The following DCLRE1C variants were observed in gnomAD, a reference collection of about 807,000 sequenced individuals.
The protein encoded by DCLRE1C is protein artemis.
Under a neutral mutation model 61.4 loss-of-function variants are expected in DCLRE1C, and 47 were observed. The observed-to-expected ratio is 0.77, with a 90% CI of 0.61 to 0.98. The LOEUF (loss-of-function observed/expected upper bound fraction) is 0.98. Among genes scored for constraint, DCLRE1C ranks in the 50% least tolerant of loss-of-function variants. The pLI, the probability that DCLRE1C is intolerant of heterozygous loss-of-function variation, is 0.00. For synonymous variants in DCLRE1C, 337 were observed against 287.6 expected (o/e 1.17, Z -1.74); for missense variants, 858 against 816.0 (o/e 1.05, Z -0.63).
chr10:14,949,642 A>G (rs1178266558), intron 1 of DCLRE1C, among the ~76,000 whole-genome samples: 2 of 152,270 alleles, frequency 1.3e-5, no homozygotes, highest in African/African-American at 4.8e-5. Context: ...GACAACAGAA[A>G]GGTAGCAATT....
At chr10:14,916,649 TAAA>T (rs1032783235) in intron 13 of DCLRE1C, among the ~76,000 whole-genome samples, 5 of 152,282 alleles carry the variant, frequency 3.3e-5, no homozygotes, top group African/African-American at 1.2e-4. Context: ...AATTGAAACT[TAAA>T]AAGTAATACC....
In DCLRE1C at chr10:14,908,344, A is replaced by G; in HGVS notation, c.*64T>C. On this transcript the variant is annotated 3_prime_UTR_variant, in exon 14 of 14. Coordinates refer to ENST00000378278, the MANE Select transcript of DCLRE1C (RefSeq NM_001033855.3). ...TAAGTACTGTATTTTCTCTATTGTA[A>G]TATTGACTGTCATCTCTGTGCAGGT... 1 of 1,263,072 alleles carries G rather than the reference A, an allele frequency of 7.9e-7. No homozygotes were observed. The highest frequency in any genetic ancestry group is 1.2e-6 in the Non-Finnish European group (1 of 868,324). The allele number at this position is 1,263,072 out of a possible 1,614,324, so 78.2% of individuals were successfully genotyped here.
chr10:14,932,739 T>C, intron 9 of DCLRE1C, 115 bp downstream of exon 9: 1 of 1,231,962 alleles, frequency 8.1e-7, no homozygotes, highest in Non-Finnish European at 1.2e-6. Flanking sequence ...CAACTTAGGA[T>C]TGCAGCCTCA....
chr10:14,908,797 C>A lies in DCLRE1C; in HGVS notation c.1690G>T (p.Glu564Ter). ...QSDTVLLSSQ[E>*]RNSGDITSLD... ...GAAGTAATATCCCCACTGTTTCTCT[C>A]TTGGGAAGATAACAAAACAGTATCA... The change falls in exon 14 of 14, where the codon GAG (glutamate) becomes TAG (stop). Residue 564 changes from glutamate to a stop codon, truncating the protein, a stop_gained. Coordinates refer to ENST00000378278, the MANE Select transcript of DCLRE1C (RefSeq NM_001033855.3). LOFTEE classifies it low-confidence loss of function (END_TRUNC). 6.2e-7 allele frequency: 1 copy of A among 1,614,178 alleles called. No individual in the cohort carries two copies. Among genetic ancestry groups the A allele is most frequent in the Non-Finnish European group, 8.5e-7 (1 of 1,180,012 alleles).
chr10:14,922,218 A>T (rs1837231282), intron 12 of DCLRE1C, among the ~76,000 whole-genome samples: 1 of 152,176 alleles, frequency 6.6e-6, no homozygotes, highest in South Asian at 2.1e-4. Flanking sequence ...AGACAGGTGG[A>T]TCACTTGAGC....
At chr10:14,926,637 G>C (rs1426104125) in intron 11 of DCLRE1C, among the ~76,000 whole-genome samples, 1 of 131,628 alleles carries the variant, frequency 7.6e-6, no homozygotes, top group South Asian at 2.5e-4. Flanking sequence ...CTGGGCGACA[G>C]AGTAAAACAC....
rs1254571893 is a variant in DCLRE1C at position 14,908,691 on chromosome 10, T to C, written c.1796A>G (p.Lys599Arg). 6.2e-7 allele frequency: 1 copy of C among 1,614,240 alleles called. No individual in the cohort carries two copies. Among genetic ancestry groups the C allele is most frequent in the South Asian group, 1.1e-5 (1 of 91,086 alleles). Residue 599 changes from lysine (K) to arginine (R), a missense_variant, in exon 14 of 14, where the codon AAG becomes AGG. Physicochemically the swap from Lys to Arg is conservative, Grantham distance 26. Transcript: ENST00000378278. ...GCTTTTCAAATCAGAGTAAGTATCC[T>C]TTGGGCAAATTACATTTTGTTCCAT... ...SLMEQNVICP[K>R]DTYSDLKSRD...
intron 3 of DCLRE1C, among the ~76,000 whole-genome samples, chr10:14,941,028 A>C (rs1313947530): frequency 1.3e-5 from 2 of 152,100 alleles, no homozygotes; most frequent in African/African-American, 4.8e-5. Flanking sequence ...GACTACAGGC[A>C]CCCGCCACCA....
intron 1 of DCLRE1C, among the ~76,000 whole-genome samples, chr10:14,950,357 CAAAAAAAAA>C (rs1196056427): frequency 1.4e-5 from 1 of 71,276 alleles, no homozygotes; most frequent in East Asian, 3.7e-4. Flanking sequence ...AAATAATAAC[CAAAAAAAAA>C]AAAAAAAAAA....
chr10:14,916,534 AT>A (rs1049175457), intron 13 of DCLRE1C, among the ~76,000 whole-genome samples: 2 of 152,226 alleles, frequency 1.3e-5, no homozygotes, highest in African/African-American at 4.8e-5. Context: ...GCAAATGCAA[AT>A]GTTCCAAAAT....
intron 12 of DCLRE1C, among the ~76,000 whole-genome samples, chr10:14,922,657 C>A (rs1027680827): frequency 6.6e-6 from 1 of 152,066 alleles, no homozygotes; most frequent in Admixed American, 6.6e-5. Flanking sequence ...TTTAAGAAGA[C>A]CAACAAGTAG....
downstream of DCLRE1C, chr10:14,903,382 G>A (rs562443984): frequency 6.6e-6 from 1 of 152,274 alleles, no homozygotes; most frequent in Non-Finnish European, 1.5e-5. Context: ...AAAACAAGCT[G>A]CCTGGAGAGC....
chr10:14,931,045 T>C (rs1838901838), intron 9 of DCLRE1C, among the ~76,000 whole-genome samples: 1 of 152,192 alleles, frequency 6.6e-6, no homozygotes, highest in South Asian at 2.1e-4. Context: ...ATAATAGTGA[T>C]CTAAATGAAT....
chr10:14,926,988 A>T (rs1361682569), intron 10 of DCLRE1C, 91 bp from the exon 11 acceptor site: 2 of 1,038,006 alleles, frequency 1.9e-6, no homozygotes, highest in Admixed American at 1.9e-5. Context: ...CTATTCTAGC[A>T]TGAAACCACT....
upstream of DCLRE1C, chr10:14,954,245 G>T: frequency 6.3e-6 from 4 of 632,522 alleles, no homozygotes; most frequent in Non-Finnish European, 1.1e-5. Flanking sequence ...CACGCGATGG[G>T]CCCTGAGCCC....
At chr10:14,932,782 A>C in intron 9 of DCLRE1C, 72 bp downstream of exon 9, 1 of 1,565,464 alleles carries the variant, frequency 6.4e-7, no homozygotes, top group East Asian at 2.2e-5. Context: ...GAGCCTATAA[A>C]TGGAAGCCCT....
intron 6 of DCLRE1C, 122 bp downstream of exon 6, chr10:14,935,341 C>T (rs1190310945): frequency 4.6e-6 from 5 of 1,088,648 alleles, no homozygotes; most frequent in Non-Finnish European, 6.8e-6. Flanking sequence ...TGGCACGTAC[C>T]TGTTATCCCA....
chr10:14,944,839 CA>C (rs1195267959), intron 3 of DCLRE1C, among the ~76,000 whole-genome samples: 2 of 151,646 alleles, frequency 1.3e-5, no homozygotes, highest in East Asian at 3.9e-4. Flanking sequence ...GACACCTGGC[CA>C]AATTTTGTAT....
Position 14,905,684 on chromosome 10 carries a change from T to C in DCLRE1C, c.*2724A>G, listed in dbSNP as rs1441054984. Among the ~76,000 whole-genome samples the C allele has an allele frequency of 6.6e-6, 1 of 152,220 alleles. No homozygotes were observed. Among genetic ancestry groups the C allele is most frequent in the East Asian group, 1.9e-4 (1 of 5,200 alleles). On this transcript the variant is annotated 3_prime_UTR_variant, in exon 14 of 14. Transcript: ENST00000378278. ...GTGTCTTCTGTGATACATCTTGGCATTTTGAAACTTCATGTTTCGGCTGGA... is the reference window on the plus strand; with the variant it reads ...GTGTCTTCTGTGATACATCTTGGCACTTTGAAACTTCATGTTTCGGCTGGA...
Sources: allele counts gnomAD v4.1 joint callset (sites outside exome capture counted in the v4.1 genomes callset), GRCh38; gene constraint gnomAD v4.1.1; transcripts MANE v1.5; gene names NCBI Gene and HGNC (gene_info 2026-07-23, HGNC 2026-07-21).